ARHGAP42: variants seen among roughly 807,000 people sequenced by gnomAD.
ARHGAP42 encodes the protein rho GTPase-activating protein 42.
A neutral mutation model predicts 125.0 loss-of-function variants in ARHGAP42; 63 were observed. The ratio of observed to expected loss-of-function variants is 0.50; its 90% CI spans 0.41 to 0.62. ARHGAP42 has a LOEUF of 0.62. Among genes scored for constraint, ARHGAP42 ranks in the 20% least tolerant of loss-of-function variants. The pLI is 0.00. For missense variants in ARHGAP42, 766 were observed against 1,024.2 expected, an observed-to-expected ratio of 0.75 and a Z score of 3.44; for synonymous variants, 339 against 351.0, an observed-to-expected ratio of 0.97 and a Z score of 0.38.
chr11:100,822,377 G>A (rs1864423509), intron 3 of ARHGAP42, among the ~76,000 whole-genome samples: 1 of 151,976 alleles, frequency 6.6e-6, no homozygotes, highest in Admixed American at 6.6e-5. Flanking sequence ...GGATTATAGG[G>A]GTGGGTAGTG....
chr11:100,699,502 A>ATTTTTTTTTTTTTTTTTTTTTTTTTTTT (rs1861357682), intron 1 of ARHGAP42, among the ~76,000 whole-genome samples: 1 of 40,926 alleles, frequency 2.4e-5, no homozygotes, highest in Non-Finnish European at 4.7e-5. Context: ...ATATATATAT[A>ATTTTTTTTTTTTTTTTTTTTTTTTTTTT]TATATTTTTT....
At chr11:100,740,741 TTGAG>T (rs1862166788) in intron 1 of ARHGAP42, among the ~76,000 whole-genome samples, 1 of 152,192 alleles carries the variant, frequency 6.6e-6, no homozygotes. Flanking sequence ...TCTCCTGTTG[TTGAG>T]TGTCAGATTT....
intron 22 of ARHGAP42, among the ~76,000 whole-genome samples, chr11:100,983,814 C>T (rs994259075): frequency 1.3e-5 from 2 of 152,146 alleles, no homozygotes; most frequent in Admixed American, 6.6e-5. Context: ...GGAAAAAAAT[C>T]TTTGAAAAGA....
intron 3 of ARHGAP42, among the ~76,000 whole-genome samples, chr11:100,858,594 T>A (rs888713035): frequency 6.6e-6 from 1 of 152,186 alleles, no homozygotes; most frequent in Non-Finnish European, 1.5e-5. Context: ...TATTTTGATA[T>A]AATTTCAAAC....
At chr11:100,860,868 T>C (rs1865429682) in intron 4 of ARHGAP42, among the ~76,000 whole-genome samples, 1 of 152,212 alleles carries the variant, frequency 6.6e-6, no homozygotes, top group Non-Finnish European at 1.5e-5. Context: ...ATCAGAACCA[T>C]TTTTATGTTA....
intron 4 of ARHGAP42, among the ~76,000 whole-genome samples, chr11:100,863,054 CACAAA>C (rs1276572805): frequency 0.093 from 5,090 of 54,772 alleles, 120 homozygotes; most frequent in East Asian, 0.27. Flanking sequence ...AAAAAAAAAA[CACAAA>C]ACACACACAC....
intron 2 of ARHGAP42, among the ~76,000 whole-genome samples, chr11:100,779,109 AT>A (rs1350204568): frequency 1.3e-5 from 2 of 152,138 alleles, no homozygotes; most frequent in Admixed American, 6.6e-5. Context: ...ACAGAAATGA[AT>A]CACTTTAGGG....
At chr11:100,903,972 A>G (rs112845647) in intron 4 of ARHGAP42, among the ~76,000 whole-genome samples, 13,700 of 151,304 alleles carry the variant, frequency 0.091, 890 homozygotes, top group Non-Finnish European at 0.13. Flanking sequence ...TGCCTGCTTT[A>G]TATTCACTGG....
intron 2 of ARHGAP42, among the ~76,000 whole-genome samples, chr11:100,792,843 TC>T (rs974902325): frequency 6.6e-6 from 1 of 151,806 alleles, no homozygotes; most frequent in African/African-American, 2.4e-5. Context: ...AGCTCTGCCT[TC>T]CGGGTTCACG....
At chr11:100,833,863 A>G (rs1864718923) in intron 3 of ARHGAP42, among the ~76,000 whole-genome samples, 1 of 152,204 alleles carries the variant, frequency 6.6e-6, no homozygotes, top group Non-Finnish European at 1.5e-5. Flanking sequence ...AGAAGTGTTA[A>G]TGAGTTTGCA....
At chr11:100,804,658 G>T (rs1040551288) in intron 3 of ARHGAP42, among the ~76,000 whole-genome samples, 4 of 151,340 alleles carry the variant, frequency 2.6e-5, no homozygotes, top group Admixed American at 2.0e-4. Context: ...GATTACAGGC[G>T]CCTGTCACCA....
intron 1 of ARHGAP42, among the ~76,000 whole-genome samples, chr11:100,715,244 C>G (rs760143644): frequency 2.0e-5 from 3 of 152,042 alleles, no homozygotes; most frequent in Non-Finnish European, 4.4e-5. Context: ...TGAGGGAGAT[C>G]TCCCTACGCA....
At chr11:100,959,967 C>G (rs1301879236) in intron 13 of ARHGAP42, 22 bp downstream of exon 13, 5 of 1,541,508 alleles carry the variant, frequency 3.2e-6, no homozygotes, top group Non-Finnish European at 4.4e-6. Context: ...CTGATTGGTA[C>G]AGCATCCCTG....
At chr11:100,908,325 C>A (rs1449814243) in intron 4 of ARHGAP42, among the ~76,000 whole-genome samples, 1 of 152,106 alleles carries the variant, frequency 6.6e-6, no homozygotes, top group African/African-American at 2.4e-5. Context: ...AGTGTGTATT[C>A]CGGGGTTTTA....
At chr11:100,901,522 G>A (rs1415717529) in intron 4 of ARHGAP42, among the ~76,000 whole-genome samples, 1 of 152,192 alleles carries the variant, frequency 6.6e-6, no homozygotes, top group African/African-American at 2.4e-5. Flanking sequence ...CCATAGATGT[G>A]GAGTCTATGG....
At chr11:100,848,966 A>G (rs1241473808) in intron 3 of ARHGAP42, among the ~76,000 whole-genome samples, 1 of 152,166 alleles carries the variant, frequency 6.6e-6, no homozygotes, top group Non-Finnish European at 1.5e-5. Context: ...CAAATGTCTC[A>G]AGCTGTCTGG....
chr11:100,906,454 T>A (rs531960586), intron 4 of ARHGAP42, among the ~76,000 whole-genome samples: 5 of 152,222 alleles, frequency 3.3e-5, no homozygotes, highest in Non-Finnish European at 7.3e-5. Context: ...AGCTCCATTT[T>A]CTTATGGGTT....
chr11:100,749,328 C>T (rs1311345870), intron 1 of ARHGAP42, among the ~76,000 whole-genome samples: 1 of 151,734 alleles, frequency 6.6e-6, no homozygotes, highest in African/African-American at 2.4e-5. Context: ...ACCCCTCAAA[C>T]CAGGGATGTC....
intron 2 of ARHGAP42, among the ~76,000 whole-genome samples, 151 bp downstream of exon 2, chr11:100,770,589 C>A (rs1862950167): frequency 6.6e-6 from 1 of 151,894 alleles, no homozygotes; most frequent in Admixed American, 6.6e-5. Context: ...GAAATTTTTT[C>A]TTTTTGGAGA....
Sources: gnomAD v4.1 joint callset for allele counts (sites outside exome capture counted in the v4.1 genomes callset) on GRCh38, gnomAD v4.1.1 for gene constraint, MANE v1.5 for transcripts, NCBI Gene and HGNC (gene_info 2026-07-23, HGNC 2026-07-21) for gene names.